Variants in SPIDR observed in about 807,000 individuals in gnomAD.
SPIDR encodes the protein DNA repair-scaffolding protein.
In SPIDR, 93 loss-of-function variants were observed where a neutral mutation model predicts 104.6. That is an observed-to-expected ratio of 0.89 (90% CI 0.75 to 1.06). The LOEUF (loss-of-function observed/expected upper bound fraction) is 1.06, where lower values mean the gene tolerates loss of function less well. Ranked by LOEUF, SPIDR falls within the 50% of genes least tolerant of loss-of-function variation. The probability of loss-of-function intolerance (pLI) is 0.00; values close to 1 mark genes in which losing one functional copy is unlikely to be tolerated. For missense variants in SPIDR, 1,154 were observed against 1,111.2 expected (o/e 1.04, Z -0.55); for synonymous variants, 431 against 416.9 (o/e 1.03, Z -0.41).
chr8:47,503,311 C>T (rs964665566), intron 8 of SPIDR, among the ~76,000 whole-genome samples: 1 of 152,134 alleles, frequency 6.6e-6, no homozygotes, highest in Non-Finnish European at 1.5e-5. Context: ...CTTTATGAGT[C>T]TGGGTGCTCC....
At chr8:47,389,359 C>T (rs937359299) in intron 5 of SPIDR, among the ~76,000 whole-genome samples, 7 of 151,952 alleles carry the variant, frequency 4.6e-5, no homozygotes, top group Admixed American at 3.9e-4. Context: ...ATCATTTGCG[C>T]AAAGTAATTT....
At chr8:47,645,829 A>G (rs1257629099) in intron 10 of SPIDR, among the ~76,000 whole-genome samples, 1 of 152,220 alleles carries the variant, frequency 6.6e-6, no homozygotes, top group Non-Finnish European at 1.5e-5. Context: ...TTTACACTTT[A>G]ATCTTACACC....
chr8:47,324,265 A>T (rs2154264319), intron 5 of SPIDR, among the ~76,000 whole-genome samples: 1 of 152,280 alleles, frequency 6.6e-6, no homozygotes, highest in South Asian at 2.1e-4. Flanking sequence ...ACTCTGTGTG[A>T]TTCTTAACCT....
chr8:47,525,545 A>G (rs781322637), intron 8 of SPIDR, among the ~76,000 whole-genome samples: 4 of 53,866 alleles, frequency 7.4e-5, no homozygotes, highest in South Asian at 4.8e-4. Context: ...TCACGCCTGT[A>G]ATCCCAGCAT....
At chr8:47,316,577 G>T (rs2045391269) in intron 5 of SPIDR, among the ~76,000 whole-genome samples, 1 of 152,062 alleles carries the variant, frequency 6.6e-6, no homozygotes, top group African/African-American at 2.4e-5. Flanking sequence ...TCAAATACAT[G>T]GTAGGTGAAA....
chr8:47,306,919 G>T (rs2043182931), intron 5 of SPIDR, among the ~76,000 whole-genome samples: 1 of 152,066 alleles, frequency 6.6e-6, no homozygotes, highest in Admixed American at 6.5e-5. Flanking sequence ...CTCTGTTCTG[G>T]TTAGTATTTG....
intron 8 of SPIDR, among the ~76,000 whole-genome samples, chr8:47,478,951 T>C (rs73565260): frequency 0.013 from 1,965 of 152,334 alleles, 42 homozygotes; most frequent in African/African-American, 0.045. Flanking sequence ...TAGCTTGTTG[T>C]AATAATACAT....
At chr8:47,320,418 C>T (rs183042938) in intron 5 of SPIDR, among the ~76,000 whole-genome samples, 497 of 152,192 alleles carry the variant, frequency 3.3e-3, no homozygotes, top group African/African-American at 9.3e-3. Flanking sequence ...AATCTCTGAA[C>T]GGACCAATAA....
At chr8:47,553,467 T>G (rs1345203283) in intron 8 of SPIDR, among the ~76,000 whole-genome samples, 2 of 152,206 alleles carry the variant, frequency 1.3e-5, no homozygotes, top group African/African-American at 4.8e-5. Context: ...TTCTCTAAAC[T>G]TCTCTTCTTG....
intron 5 of SPIDR, among the ~76,000 whole-genome samples, chr8:47,377,597 GT>G (rs1554643174): frequency 6.6e-6 from 1 of 152,192 alleles, no homozygotes; most frequent in African/African-American, 2.4e-5. Flanking sequence ...ATTCAGTTTT[GT>G]AGATTCACAG....
chr8:47,339,735 A>C (rs1294157501), intron 5 of SPIDR, among the ~76,000 whole-genome samples: 1 of 144,848 alleles, frequency 6.9e-6, no homozygotes, highest in South Asian at 2.2e-4. Context: ...ACTGGAGTGC[A>C]ATGGTGTGAT....
chr8:47,644,010 G>C (rs1211949711), intron 10 of SPIDR, among the ~76,000 whole-genome samples: 6 of 152,204 alleles, frequency 3.9e-5, no homozygotes, highest in Non-Finnish European at 5.9e-5. Context: ...CTTCGAGTGT[G>C]ATGTTTACAT....
At chr8:47,331,498 TATA>T (rs1364939491) in intron 5 of SPIDR, among the ~76,000 whole-genome samples, 1 of 152,154 alleles carries the variant, frequency 6.6e-6, no homozygotes, top group African/African-American at 2.4e-5. Flanking sequence ...AAAGGTACAT[TATA>T]ATATGGCATA....
At chr8:47,628,102 TAAA>T (rs35213197) in intron 10 of SPIDR, among the ~76,000 whole-genome samples, 3 of 152,206 alleles carry the variant, frequency 2.0e-5, no homozygotes, top group Non-Finnish European at 4.4e-5. Flanking sequence ...GATCCATCCT[TAAA>T]AACAAACGAG....
intron 17 of SPIDR, 36 bp from the exon 18 acceptor site, chr8:47,728,897 C>T (rs1359807922): frequency 1.1e-5 from 17 of 1,584,526 alleles, no homozygotes; most frequent in South Asian, 3.4e-5. Flanking sequence ...TTGTGCCTCC[C>T]GGGGCCTTGT....
intron 8 of SPIDR, among the ~76,000 whole-genome samples, chr8:47,565,924 A>G (rs1248868353): frequency 7.2e-6 from 1 of 139,356 alleles, no homozygotes; most frequent in East Asian, 2.2e-4. Context: ...TAACCACCAT[A>G]TACCAGGTAT....
Position 47,735,362 on chromosome 8 carries a change from TC to T in SPIDR, c.2662del (p.Gln888SerfsTer3), listed in dbSNP as rs781725182. 7 of 1,614,156 alleles carry T rather than the reference TC, an allele frequency of 4.3e-6. No homozygotes were observed. The highest frequency in any genetic ancestry group is 5.9e-6 in the Non-Finnish European group (7 of 1,180,024). ...GKEVGLLNCF[V>X]QSVTAHPTSC... ...GAAGTGGGGTTGTTAAATTGTTTTG[TC>T]CAGTCCGTAACCGCCCACCCGACCA... On this transcript the variant is annotated frameshift_variant, in exon 20 of 20. Transcript: ENST00000297423. LOFTEE classifies it low-confidence loss of function (END_TRUNC).
At chr8:47,489,682 G>A (rs188163058) in intron 8 of SPIDR, among the ~76,000 whole-genome samples, 146 of 152,140 alleles carry the variant, frequency 9.6e-4, no homozygotes, top group Non-Finnish European at 1.7e-3. Flanking sequence ...GAACAGAGCC[G>A]TCAGAAATAA....
chr8:47,310,288 C>T (rs782323836), intron 5 of SPIDR, among the ~76,000 whole-genome samples: 72 of 145,626 alleles, frequency 4.9e-4, no homozygotes, highest in Non-Finnish European at 7.6e-4. Context: ...GAGCTGAGAT[C>T]GCGCCGCTGC....
Sources: allele counts gnomAD v4.1 joint callset (sites outside exome capture counted in the v4.1 genomes callset), GRCh38; gene constraint gnomAD v4.1.1; transcripts MANE v1.5; gene names NCBI Gene and HGNC (gene_info 2026-07-23, HGNC 2026-07-21).